The following SLC24A2 variants were observed in gnomAD, a reference collection of about 807,000 sequenced individuals.
SLC24A2 encodes solute carrier family 24 member 2.
Under a neutral mutation model 62.0 loss-of-function variants are expected in SLC24A2, and 36 were observed. The ratio of observed to expected loss-of-function variants is 0.58; its 90% CI spans 0.44 to 0.77. SLC24A2 has a LOEUF of 0.77. Ranked by LOEUF, SLC24A2 falls within the 30% of genes least tolerant of loss-of-function variation. SLC24A2 has a pLI of 0.00. For synonymous variants in SLC24A2, 358 were observed against 294.0 expected (o/e 1.22, Z -2.23); for missense variants, 846 against 817.9 (o/e 1.03, Z -0.42).
the SLC24A2 span, among the ~76,000 whole-genome samples, chr9:19,925,314 C>CCT: frequency 1.3e-5 from 2 of 152,108 alleles, no homozygotes; most frequent in Non-Finnish European, 2.9e-5. Context: ...TTGTTCATCT[C>CCT]ATATATATAG....
At chr9:19,857,241 C>T in the SLC24A2 span, among the ~76,000 whole-genome samples, 1 of 152,206 alleles carries the variant, frequency 6.6e-6, no homozygotes, top group Admixed American at 6.5e-5. Context: ...CCAACTTTGG[C>T]TTCCATTATT....
chr9:19,535,569 G>A (rs1381354239), intron 8 of SLC24A2, among the ~76,000 whole-genome samples: 1 of 152,132 alleles, frequency 6.6e-6, no homozygotes, highest in Admixed American at 6.5e-5. Context: ...TTTTCTGCAT[G>A]TGACTAGCCA....
At chr9:20,097,693 G>C in the SLC24A2 span, among the ~76,000 whole-genome samples, 3 of 138,612 alleles carry the variant, frequency 2.2e-5, no homozygotes, top group Non-Finnish European at 4.6e-5. Context: ...TGTCCAGATT[G>C]GATCCAGGGT....
chr9:19,690,100 C>G (rs929068424), intron 2 of SLC24A2, among the ~76,000 whole-genome samples: 3 of 152,126 alleles, frequency 2.0e-5, no homozygotes, highest in Admixed American at 6.6e-5. Context: ...ATTTCTCAGA[C>G]TCCATAATTG....
At chr9:20,099,379 C>A in the SLC24A2 span, among the ~76,000 whole-genome samples, 1 of 152,138 alleles carries the variant, frequency 6.6e-6, no homozygotes. Flanking sequence ...CTTTAGGCAA[C>A]AAAACCATTA....
chr9:19,871,617 C>A, the SLC24A2 span, among the ~76,000 whole-genome samples: 4 of 151,628 alleles, frequency 2.6e-5, no homozygotes, highest in Admixed American at 2.6e-4. Context: ...TGTGTAGATA[C>A]TATATATTGC....
chr9:19,918,883 C>G, the SLC24A2 span, among the ~76,000 whole-genome samples: 1 of 152,074 alleles, frequency 6.6e-6, no homozygotes, highest in Admixed American at 6.5e-5. Flanking sequence ...AAAAAGGGGG[C>G]CAACCACTGT....
In SLC24A2 at chr9:19,564,572, T is replaced by A. The variant is rs76245238; in HGVS notation, c.1347+8779A>T. 8.4e-3 allele frequency among the ~76,000 whole-genome samples: 1,280 copies of A among 152,086 alleles called. 15 individuals are homozygous for A. The highest frequency in any genetic ancestry group is 0.028 in the African/African-American group (1,174 of 41,488). On this transcript the variant is annotated intron_variant, in intron 7 of 10. Transcript: ENST00000341998. ...TCTGTCTATCAATCAATCACATTCC[T>A]AGGAATGTCATTTTCTTATATAAAT...
intron 2 of SLC24A2, among the ~76,000 whole-genome samples, chr9:19,677,422 G>T (rs914612128): frequency 6.6e-6 from 1 of 152,180 alleles, no homozygotes; most frequent in Admixed American, 6.6e-5. Flanking sequence ...ACACAGTGGG[G>T]TCTATCAGAC....
At chr9:20,020,052 A>G in the SLC24A2 span, among the ~76,000 whole-genome samples, 1 of 152,232 alleles carries the variant, frequency 6.6e-6, no homozygotes, top group East Asian at 1.9e-4. Context: ...AATGGCAATC[A>G]TTAAAAAGTC....
the SLC24A2 span, among the ~76,000 whole-genome samples, chr9:20,117,804 A>G: frequency 6.6e-6 from 1 of 152,174 alleles, no homozygotes; most frequent in Non-Finnish European, 1.5e-5. Context: ...TATGCTGAGC[A>G]TTATACATGA....
chr9:20,068,156 T>C, the SLC24A2 span, among the ~76,000 whole-genome samples: 1 of 144,798 alleles, frequency 6.9e-6, no homozygotes, highest in African/African-American at 2.6e-5. Flanking sequence ...CTCCGCCTCC[T>C]GGGTTCAAGC....
the SLC24A2 span, among the ~76,000 whole-genome samples, chr9:20,277,715 G>C: frequency 6.6e-6 from 1 of 152,168 alleles, no homozygotes; most frequent in Non-Finnish European, 1.5e-5. Context: ...AATACCATTT[G>C]ACCCAGCCAT....
chr9:19,810,316 G>A, the SLC24A2 span, among the ~76,000 whole-genome samples: 1 of 152,222 alleles, frequency 6.6e-6, no homozygotes, highest in Non-Finnish European at 1.5e-5. Context: ...TGAGCTGCCA[G>A]GTGGAGCAGG....
chr9:19,903,509 T>C, the SLC24A2 span, among the ~76,000 whole-genome samples: 5 of 152,142 alleles, frequency 3.3e-5, no homozygotes, highest in African/African-American at 9.7e-5. Context: ...ATGCAGTCCA[T>C]AGTAGGGAGG....
Position 19,515,584 on chromosome 9 carries a change from T to TA in SLC24A2, c.*568dup, listed in dbSNP as rs1217195529. 2 of 152,244 alleles carry TA rather than the reference T, an allele frequency of 1.3e-5. No individual in the cohort carries two copies. Among genetic ancestry groups the TA allele is most frequent in the African/African-American group, 4.8e-5 (2 of 41,406 alleles). The allele number at this position is 152,244 out of a possible 1,614,324, so 9.4% of individuals were successfully genotyped here. A position where few individuals can be genotyped will look rare whatever the true frequency, so the allele number is the denominator to read the frequency against. ...GTTCCATTAGTTCACCTCTTGTACT[T>TA]AAGAGGTAAAGCCCAGACTGCAAGT... On this transcript the variant is annotated 3_prime_UTR_variant, in exon 11 of 11. Transcript: ENST00000341998.
chr9:20,147,854 T>C, the SLC24A2 span, among the ~76,000 whole-genome samples: 1 of 152,088 alleles, frequency 6.6e-6, no homozygotes, highest in Non-Finnish European at 1.5e-5. Context: ...GTTAGTCTTT[T>C]TGAGTTTCAG....
intron 7 of SLC24A2, among the ~76,000 whole-genome samples, chr9:19,551,468 A>G (rs1015322873): frequency 6.6e-6 from 1 of 152,164 alleles, no homozygotes; most frequent in African/African-American, 2.4e-5. Context: ...CAATACTTCC[A>G]AAACAGCACT....
intron 2 of SLC24A2, among the ~76,000 whole-genome samples, chr9:19,734,393 T>G (rs1821436414): frequency 6.6e-6 from 1 of 152,194 alleles, no homozygotes; most frequent in East Asian, 1.9e-4. Context: ...CCATATGAAC[T>G]TTAAAGTAGT....
Sources: allele counts gnomAD v4.1 joint callset (sites outside exome capture counted in the v4.1 genomes callset), GRCh38; gene constraint gnomAD v4.1.1; transcripts MANE v1.5; gene names NCBI Gene and HGNC (gene_info 2026-07-23, HGNC 2026-07-21).